The following NAV3 variants were observed in gnomAD, a reference collection of about 807,000 sequenced individuals.
NAV3 encodes pore membrane and/or filament interacting like protein 1.
NAV3 carries 87 observed loss-of-function variants against 244.7 expected under a neutral mutation model. That is an observed-to-expected ratio of 0.36 (90% CI 0.30 to 0.42). NAV3 has a LOEUF of 0.42. Among genes scored for constraint, NAV3 ranks in the 20% least tolerant of loss-of-function variants. The pLI is 1.00. For synonymous variants in NAV3, 1,126 were observed against 1,042.2 expected, an observed-to-expected ratio of 1.08 and a Z score of -1.55; for missense variants, 2,663 against 2,893.3, an observed-to-expected ratio of 0.92 and a Z score of 1.83.
chr12:77,811,303 A>G (rs1448681336), intron 2 of NAV3, among the ~76,000 whole-genome samples: 1 of 152,170 alleles, frequency 6.6e-6, no homozygotes, highest in East Asian at 1.9e-4. Flanking sequence ...TTTGTAGCAT[A>G]CAAAAGCCCC....
At position 78,128,736 on chromosome 12, in the gene NAV3, A is replaced by G. The variant is rs370478385; in HGVS notation, c.4311A>G (p.Gln1437=). ...CCCCATCATCTCGGCAGGCCAACCA[A>G]GAAGAGGGCAAAGAGTGGTTGCGTT... is the stretch of plus-strand genomic sequence containing the variant. The part of the protein sequence containing the change: ...RYTPSSRQAN[Q]EEGKEWLRSH... Residue 1437 remains glutamine (Q), a synonymous_variant, in exon 18 of 40, where the codon CAA becomes CAG. Transcript: ENST00000397909. 5.6e-6 allele frequency: 9 copies of G among 1,613,902 alleles called. No individual in the cohort carries two copies. The highest frequency in any genetic ancestry group is 6.8e-6 in the Non-Finnish European group (8 of 1,179,950).
chr12:78,190,072 G>T lies in NAV3; in HGVS notation c.6144G>T (p.Glu2048Asp). 3 of 1,613,124 alleles carry T rather than the reference G, an allele frequency of 1.9e-6. No individual in the cohort carries two copies. Among genetic ancestry groups the T allele is most frequent in the Non-Finnish European group, 2.5e-6 (3 of 1,179,474 alleles). ...AAAGGTACTTTAACTTGTTGATGGA[G>T]CATCACAGAATTATACTCTCAGGAC... ...ITQRYFNLLM[E>D]HHRIILSGPS... is the part of the protein sequence containing the mutation. The change falls in exon 34 of 40, where the codon GAG (glutamate) becomes GAT (aspartate). Residue 2048 changes from glutamate (E) to aspartate (D), a missense_variant. This residue lies in a region of NAV3 where 543 missense variants were observed against 672.4 expected (regional missense o/e 0.81). Transcript: ENST00000397909.
chr12:77,989,603 G>T (rs1444520113), intron 5 of NAV3, among the ~76,000 whole-genome samples: 2 of 151,974 alleles, frequency 1.3e-5, no homozygotes, highest in African/African-American at 4.8e-5. Flanking sequence ...AAATGCAGCT[G>T]GTACAATGTA....
chr12:77,823,879 G>A (rs1296719312), intron 2 of NAV3, among the ~76,000 whole-genome samples: 1 of 151,750 alleles, frequency 6.6e-6, no homozygotes, highest in East Asian at 1.9e-4. Context: ...TGTTCAAGAA[G>A]GTAGAAAAAC....
intron 2 of NAV3, among the ~76,000 whole-genome samples, chr12:77,820,667 C>T (rs1313891934): frequency 6.6e-6 from 1 of 152,092 alleles, no homozygotes; most frequent in Non-Finnish European, 1.5e-5. Flanking sequence ...ATGACCATTG[C>T]ATATAGCTGG....
intron 2 of NAV3, among the ~76,000 whole-genome samples, chr12:77,695,998 C>T (rs1455844020): frequency 2.0e-5 from 3 of 151,968 alleles, no homozygotes; most frequent in Non-Finnish European, 2.9e-5. Context: ...TGTGTCCATC[C>T]TTATCTTTAG....
intron 5 of NAV3, among the ~76,000 whole-genome samples, chr12:77,990,277 C>T (rs1367476366): frequency 6.6e-6 from 1 of 152,110 alleles, no homozygotes; most frequent in Non-Finnish European, 1.5e-5. Flanking sequence ...GTGGGGAAGG[C>T]ATGTGGCTAC....
intron 2 of NAV3, among the ~76,000 whole-genome samples, chr12:77,719,718 G>T (rs1876524747): frequency 6.6e-6 from 1 of 151,940 alleles, no homozygotes; most frequent in Admixed American, 6.6e-5. Context: ...GAGGATTTTT[G>T]GATTGATATT....
chr12:77,733,060 T>A (rs575644805), intron 2 of NAV3, among the ~76,000 whole-genome samples: 2 of 151,986 alleles, frequency 1.3e-5, no homozygotes, highest in Non-Finnish European at 2.9e-5. Flanking sequence ...AATAATATGA[T>A]TGATTTTTTT....
chr12:77,708,105 T>G (rs536602704), intron 2 of NAV3, among the ~76,000 whole-genome samples: 1 of 152,342 alleles, frequency 6.6e-6, no homozygotes, highest in South Asian at 2.1e-4. Context: ...GCCATTGCTT[T>G]TGGTGTTTCA....
At chr12:77,688,161 T>C (rs1874842769) in intron 2 of NAV3, among the ~76,000 whole-genome samples, 1 of 151,986 alleles carries the variant, frequency 6.6e-6, no homozygotes, top group Non-Finnish European at 1.5e-5. Flanking sequence ...TCATTACCCA[T>C]TAATATTAGT....
chr12:78,145,772 G>A (rs111357250), intron 20 of NAV3, among the ~76,000 whole-genome samples: 8 of 152,130 alleles, frequency 5.3e-5, no homozygotes, highest in East Asian at 3.9e-4. Context: ...TTGTTTAAGC[G>A]TTTTGCTGAC....
chr12:77,797,451 G>A (rs1036955427), intron 2 of NAV3, among the ~76,000 whole-genome samples: 7 of 150,754 alleles, frequency 4.6e-5, no homozygotes, highest in African/African-American at 1.7e-4. Flanking sequence ...TATATTTTGG[G>A]CAAATTGGTA....
intron 2 of NAV3, among the ~76,000 whole-genome samples, chr12:77,585,253 A>G (rs891679774): frequency 6.6e-6 from 1 of 152,084 alleles, no homozygotes; most frequent in Middle Eastern, 3.2e-3. Context: ...AGGTCACATA[A>G]CCACCTCCAA....
At chr12:77,611,324 A>G (rs1455007927) in intron 2 of NAV3, among the ~76,000 whole-genome samples, 1 of 151,950 alleles carries the variant, frequency 6.6e-6, no homozygotes, top group South Asian at 2.1e-4. Context: ...TTGGAAAAAA[A>G]TTAGTTGCAA....
At chr12:78,074,192 G>C (rs1056371371) in intron 12 of NAV3, among the ~76,000 whole-genome samples, 5 of 152,270 alleles carry the variant, frequency 3.3e-5, no homozygotes, top group African/African-American at 7.2e-5. Flanking sequence ...TCCCAAAAAG[G>C]CTTGGGAATT....
chr12:77,721,595 G>A (rs147848737), intron 2 of NAV3, among the ~76,000 whole-genome samples: 145 of 152,098 alleles, frequency 9.5e-4, no homozygotes, highest in African/African-American at 3.4e-3. Context: ...TATAATCAAA[G>A]GTGAAAAGAA....
At chr12:77,862,727 A>G (rs1879429561) in intron 1 of NAV3, among the ~76,000 whole-genome samples, 1 of 151,864 alleles carries the variant, frequency 6.6e-6, no homozygotes, top group South Asian at 2.1e-4. Context: ...GTATCATTTC[A>G]TCGGTGGTGA....
rs1420592184 is a variant in NAV3, at chr12:77,771,071, AAAAC to A, written c.73-169241_73-169238del. On this transcript the variant is annotated intron_variant, in intron 2 of 8. Coordinates refer to the NAV3 transcript ENST00000550042. ...TGAACTGAAACAAATTTACAAGAAA[AAAAC>A]AAACAACCCCATCAAAAAGTGGGCG... is the stretch of plus-strand genomic sequence containing the variant. Among the ~76,000 whole-genome samples the A allele has an allele frequency of 3.3e-5, 5 of 152,228 alleles. No individual in the cohort carries two copies. In the East Asian group the frequency reaches 5.8e-4, roughly 18 times the overall value.
Sources: allele counts gnomAD v4.1 joint callset (sites outside exome capture counted in the v4.1 genomes callset), GRCh38; gene constraint gnomAD v4.1.1; regional missense constraint gnomAD v4.1.1; transcripts MANE v1.5; gene names NCBI Gene and HGNC (gene_info 2026-07-23, HGNC 2026-07-21).